NDE1: variants seen among roughly 807,000 people sequenced by gnomAD.
The protein encoded by NDE1 is nuclear distribution protein nudE homolog 1.
In NDE1, 28 loss-of-function variants were observed where a neutral mutation model predicts 43.4. That is an observed-to-expected ratio of 0.65 (90% CI 0.48 to 0.89). The LOEUF (loss-of-function observed/expected upper bound fraction) is 0.89, where lower values mean the gene tolerates loss of function less well. Among genes scored for constraint, NDE1 ranks in the 40% least tolerant of loss-of-function variants. The pLI, the probability that NDE1 is intolerant of heterozygous loss-of-function variation, is 0.00. For synonymous variants in NDE1, 184 were observed against 172.0 expected (o/e 1.07, Z -0.55); for missense variants, 441 against 434.1 (o/e 1.02, Z -0.14).
chr16:15,662,959 C>G (rs1049494379), intron 1 of NDE1, among the ~76,000 whole-genome samples: 3 of 152,192 alleles, frequency 2.0e-5, no homozygotes, highest in Non-Finnish European at 1.5e-5. Context: ...CCATGGCCAC[C>G]AGGACCAGCT....
chr16:15,693,709 G>A (rs1046411216), intron 6 of NDE1, among the ~76,000 whole-genome samples: 3 of 152,182 alleles, frequency 2.0e-5, no homozygotes, highest in African/African-American at 7.2e-5. Context: ...GGAGGCCAAG[G>A]CGGGCAGATC....
At chr16:15,717,378 G>A (rs770088955) in intron 8 of NDE1, 14 of 1,600,974 alleles carry the variant, frequency 8.7e-6, no homozygotes, top group Non-Finnish European at 1.2e-5. Context: ...CCATGAGGCG[G>A]ACTCAGGGAA....
intron 8 of NDE1, chr16:15,718,690 T>C: frequency 1.7e-6 from 1 of 571,840 alleles, no homozygotes; most frequent in Non-Finnish European, 3.1e-6. Flanking sequence ...CTTCCTGGCC[T>C]CCCCTTCTCC....
At chr16:15,717,227 C>T in intron 8 of NDE1, 1 of 1,614,210 alleles carries the variant, frequency 6.2e-7, no homozygotes, top group African/African-American at 1.3e-5. Context: ...CTTGACGGCC[C>T]CCTCCATCTC....
intron 8 of NDE1, chr16:15,718,744 C>T: frequency 2.0e-6 from 1 of 498,328 alleles, no homozygotes; most frequent in South Asian, 2.2e-5. Context: ...AGCCACACCC[C>T]CAAACAGGCA....
Position 15,724,809 on chromosome 16 carries a change from G to A in NDE1, c.*558G>A. 6.2e-7 allele frequency: 1 copy of A among 1,613,782 alleles called. No homozygotes were observed. Among genetic ancestry groups the A allele is most frequent in the Non-Finnish European group, 8.5e-7 (1 of 1,180,022 alleles). On this transcript the variant is annotated 3_prime_UTR_variant, in exon 9 of 9. Transcript: ENST00000396354. ...CTTCTTGAAGCAGCTCCTGCAAAAG[G>A]GATGCAAAGAGGTCCCAGGGACCTG...
chr16:15,667,968 CTT>C (rs113978379), intron 3 of NDE1, among the ~76,000 whole-genome samples: 23 of 140,728 alleles, frequency 1.6e-4, no homozygotes, highest in East Asian at 2.1e-4. Context: ...GGCAGGGAGA[CTT>C]TTTTTTTTTT....
At chr16:15,648,615 T>C (rs1402671765), upstream of NDE1, among the ~76,000 whole-genome samples, 2 of 151,612 alleles carry the variant, frequency 1.3e-5, no homozygotes, top group African/African-American at 2.4e-5. Flanking sequence ...GAGACCAGCC[T>C]GGCCAACACA....
intron 8 of NDE1, chr16:15,714,760 C>T (rs2040022017): frequency 1.9e-6 from 2 of 1,039,674 alleles, no homozygotes; most frequent in Non-Finnish European, 2.9e-6. Context: ...CCACACTAAG[C>T]TTAGTGATTA....
rs112564682 is a variant in NDE1, at chr16:15,718,333, G to A, written c.948-5858G>A. On this transcript the variant is annotated intron_variant, in intron 8 of 8. Coordinates refer to ENST00000396354, the MANE Select transcript of NDE1 (RefSeq NM_017668.3). Reference sequence around the variant, plus strand: ...CCCTCACCTGCTGTGTGGCTTTGCGGACCCGGTCGCTCATGGCCTCCATGT... The same window carrying A: ...CCCTCACCTGCTGTGTGGCTTTGCGAACCCGGTCGCTCATGGCCTCCATGT... 173 of 1,609,040 alleles carry A rather than the reference G, an allele frequency of 1.1e-4. No individual in the cohort carries two copies. Among genetic ancestry groups the A allele is most frequent in the Non-Finnish European group, 1.4e-4 (164 of 1,179,964 alleles).
At chr16:15,700,101 A>G in intron 8 of NDE1, 1 of 1,134,574 alleles carries the variant, frequency 8.8e-7, no homozygotes, top group Non-Finnish European at 1.1e-6. Flanking sequence ...TGATGAGGCT[A>G]CCGTGTTGTT....
At chr16:15,708,796 A>G (rs372646869) in intron 8 of NDE1, 1 of 1,606,862 alleles carries the variant, frequency 6.2e-7, no homozygotes, top group Non-Finnish European at 8.5e-7. Flanking sequence ...AGCTGAAGGC[A>G]TGATACCTGG....
intron 4 of NDE1, among the ~76,000 whole-genome samples, chr16:15,678,925 A>G (rs921725820): frequency 2.0e-5 from 3 of 151,848 alleles, no homozygotes; most frequent in African/African-American, 7.3e-5. Context: ...AAATACAAAA[A>G]ATTAGCCGGG....
intron 4 of NDE1, among the ~76,000 whole-genome samples, chr16:15,678,830 A>G (rs977778866): frequency 2.0e-5 from 3 of 152,146 alleles, no homozygotes; most frequent in Admixed American, 6.6e-5. Context: ...TAATCCCAGC[A>G]CTTTTGGAGG....
Position 15,691,249 on chromosome 16 carries a change from G to A in NDE1, c.629G>A (p.Gly210Asp). ...ERTDTAVQAT[G>D]SVPSTPIAHR... ...ACAGACACAGCTGTGCAGGCCACGGGCTCCGTGCCGTCCACGCCCATTGCT... is the reference window on the plus strand; with the variant it reads ...ACAGACACAGCTGTGCAGGCCACGGACTCCGTGCCGTCCACGCCCATTGCT... The change falls in exon 6 of 9, where the codon GGC becomes GAC. Residue 210 changes from glycine to aspartate, a missense_variant. Physicochemically the swap from Gly to Asp is moderately conservative, Grantham distance 94 (BLOSUM62 -1). Transcript: ENST00000396354. The A allele has an allele frequency of 6.2e-7, 1 of 1,614,196 alleles. No individual in the cohort carries two copies. The highest frequency in any genetic ancestry group is 1.7e-5 in the Admixed American group (1 of 60,008).
At chr16:15,696,928 C>T (rs1472532204) in intron 8 of NDE1, 68 bp downstream of exon 8, 13 of 1,590,528 alleles carry the variant, frequency 8.2e-6, no homozygotes, top group Admixed American at 1.8e-5. Context: ...GAGACACTCA[C>T]CCCCAGCCCA....
intron 8 of NDE1, chr16:15,717,050 T>G: frequency 7.3e-7 from 1 of 1,376,972 alleles, no homozygotes; most frequent in Non-Finnish European, 1.0e-6. Flanking sequence ...AAGCCAGAAC[T>G]GATGCTGGAA....
chr16:15,711,926 C>T (rs1008771917), intron 8 of NDE1, among the ~76,000 whole-genome samples: 4 of 152,198 alleles, frequency 2.6e-5, no homozygotes, highest in African/African-American at 9.6e-5. Context: ...CTCCTGACCT[C>T]AGGTGATCAG....
intron 7 of NDE1, among the ~76,000 whole-genome samples, chr16:15,695,203 C>CTTTTTTTTTTTTTTTTTTTT (rs71134451): frequency 2.5e-5 from 2 of 79,688 alleles, no homozygotes; most frequent in African/African-American, 1.1e-4. Flanking sequence ...AAACTGCCAC[C>CTTTTTTTTTTTTTTTTTTTT]TTTTTTTTTT....
Sources: gnomAD v4.1 joint callset for allele counts (sites outside exome capture counted in the v4.1 genomes callset) on GRCh38, gnomAD v4.1.1 for gene constraint, MANE v1.5 for transcripts, NCBI Gene and HGNC (gene_info 2026-07-23, HGNC 2026-07-21) for gene names.